The following FGD4 variants were observed in gnomAD, a reference collection of about 807,000 sequenced individuals.
The protein encoded by FGD4 is FYVE, RhoGEF and PH domain-containing protein 4.
In FGD4, 42 loss-of-function variants were observed where a neutral mutation model predicts 102.0. The observed-to-expected ratio is 0.41, with a 90% CI of 0.32 to 0.53. The LOEUF is 0.53. Ranked by LOEUF, FGD4 falls within the 20% of genes least tolerant of loss-of-function variation. FGD4 has a pLI of 0.21. For missense variants in FGD4, 902 were observed against 1,078.2 expected (o/e 0.84, Z 2.29); for synonymous variants, 380 against 375.7 (o/e 1.01, Z -0.13).
At chr12:32,595,477 T>C (rs902257208) in intron 4 of FGD4, among the ~76,000 whole-genome samples, 30 of 152,186 alleles carry the variant, frequency 2.0e-4, no homozygotes, top group African/African-American at 4.8e-4. Flanking sequence ...TGTCTTCCCA[T>C]TGGGCTCTGC....
intron 1 of FGD4, among the ~76,000 whole-genome samples, chr12:32,500,995 G>A (rs1021740796): frequency 1.3e-5 from 2 of 152,214 alleles, no homozygotes; most frequent in African/African-American, 4.8e-5. Context: ...AAATAACTGT[G>A]CCCTGTGGTA....
intron 1 of FGD4, among the ~76,000 whole-genome samples, chr12:32,558,495 C>T (rs1456750990): frequency 5.9e-5 from 9 of 152,004 alleles, no homozygotes; most frequent in Non-Finnish European, 1.3e-4. Context: ...AGGTCAGGCT[C>T]GAAGAATCAG....
intron 7 of FGD4, 95 bp downstream of exon 7, chr12:32,602,412 GA>G: frequency 6.9e-7 from 1 of 1,457,832 alleles, no homozygotes; most frequent in Non-Finnish European, 9.5e-7. Flanking sequence ...AGATCTGTCT[GA>G]GATACCTAGC....
intron 1 of FGD4, among the ~76,000 whole-genome samples, chr12:32,441,691 A>T (rs1942440323): frequency 6.6e-6 from 1 of 151,986 alleles, no homozygotes; most frequent in South Asian, 2.1e-4. Flanking sequence ...TTGTCCCCCT[A>T]GTCCACTGTC....
chr12:32,474,135 C>T (rs1943522052), intron 1 of FGD4, among the ~76,000 whole-genome samples: 2 of 151,886 alleles, frequency 1.3e-5, no homozygotes, highest in South Asian at 4.2e-4. Context: ...AATCAGAGCC[C>T]TGACACACTG....
chr12:32,483,293 A>ATC (rs1943812019), intron 1 of FGD4, among the ~76,000 whole-genome samples: 1 of 152,248 alleles, frequency 6.6e-6, no homozygotes, highest in Non-Finnish European at 1.5e-5. Flanking sequence ...AAGGCAGAGA[A>ATC]TCTGTGCAGA....
At chr12:32,562,419 A>C (rs1304203921) in intron 1 of FGD4, among the ~76,000 whole-genome samples, 1 of 151,912 alleles carries the variant, frequency 6.6e-6, no homozygotes. Context: ...AACTTATTTT[A>C]TTTTTCTTTT....
Position 32,620,784 on chromosome 12 carries a change from G to A in FGD4, c.1922+914G>A, listed in dbSNP as rs71457651. ...CTGATCTCGGCTCACTGCAAGCTCCGCCTCCCGGGTTCACGCCATTCTCCT... is the reference window on the plus strand; with the variant it reads ...CTGATCTCGGCTCACTGCAAGCTCCACCTCCCGGGTTCACGCCATTCTCCT... On this transcript the variant is annotated intron_variant, in intron 11 of 16. Transcript: ENST00000534526. Among the ~76,000 whole-genome samples the A allele has an allele frequency of 3.5e-5, 5 of 142,824 alleles. No homozygotes were observed. The East Asian group carries it at 8.5e-4, about 24-fold the overall frequency. 93.7% of individuals were successfully genotyped at this position (142,824 alleles called of 152,430 possible). A position where few individuals can be genotyped will look rare whatever the true frequency, so the allele number is the denominator to read the frequency against.
rs1173558822 is a variant in FGD4, at chr12:32,577,007, A to G, written c.503+558A>G. The stretch of plus-strand genomic sequence containing the variant: ...GTTTTGCAAAGAGATATTATTACCA[A>G]TGACAAAATGTATGCTAAATTTCAG... On this transcript the variant is annotated intron_variant, in intron 3 of 16. Transcript: ENST00000534526. Among the ~76,000 whole-genome samples, 5 of 152,168 alleles carry G rather than the reference A, an allele frequency of 3.3e-5. No individual in the cohort carries two copies. The South Asian group carries it at 1.0e-3, about 32-fold the overall frequency.
At chr12:32,629,386 T>C (rs1950362131) in intron 14 of FGD4, among the ~76,000 whole-genome samples, 1 of 152,184 alleles carries the variant, frequency 6.6e-6, no homozygotes, top group South Asian at 2.1e-4. Context: ...TTACCATTTA[T>C]GATGTACCAG....
intron 1 of FGD4, among the ~76,000 whole-genome samples, chr12:32,518,948 C>G (rs1441923264): frequency 1.3e-5 from 2 of 151,804 alleles, no homozygotes; most frequent in Non-Finnish European, 2.9e-5. Flanking sequence ...AACTCTGTCT[C>G]TACTAAAAAT....
At chr12:32,629,762 A>T (rs936338122) in intron 14 of FGD4, among the ~76,000 whole-genome samples, 26 of 152,022 alleles carry the variant, frequency 1.7e-4, no homozygotes, top group African/African-American at 5.8e-4. Flanking sequence ...TTCCTTCCAA[A>T]TCTGCCTGAT....
intron 2 of FGD4, among the ~76,000 whole-genome samples, chr12:32,569,815 G>T (rs1332568703): frequency 6.6e-6 from 1 of 152,094 alleles, no homozygotes; most frequent in African/African-American, 2.4e-5. Flanking sequence ...CTATATAGAG[G>T]TATAAGAATT....
At chr12:32,547,810 G>A (rs1943346632) in intron 1 of FGD4, among the ~76,000 whole-genome samples, 1 of 152,102 alleles carries the variant, frequency 6.6e-6, no homozygotes. Flanking sequence ...GGGTTCAAGC[G>A]ATTCTCCTGC....
chr12:32,562,739 C>T (rs1280936934), intron 1 of FGD4, among the ~76,000 whole-genome samples: 7 of 152,192 alleles, frequency 4.6e-5, no homozygotes, highest in Admixed American at 3.3e-4. Flanking sequence ...TAAAAGGTCA[C>T]CGATCAACAG....
chr12:32,611,760 G>C (rs987240028), intron 10 of FGD4, among the ~76,000 whole-genome samples: 1 of 152,216 alleles, frequency 6.6e-6, no homozygotes, highest in Non-Finnish European at 1.5e-5. Context: ...GTATTTTTCT[G>C]TATACTTGGT....
At chr12:32,602,422 G>C (rs1948486995) in intron 7 of FGD4, 105 bp downstream of exon 7, 2 of 1,349,552 alleles carry the variant, frequency 1.5e-6, no homozygotes, top group Non-Finnish European at 2.1e-6. Context: ...GAGATACCTA[G>C]CCAAAATTCA....
At chr12:32,528,252 TAACAG>T (rs1941456405) in intron 1 of FGD4, among the ~76,000 whole-genome samples, 1 of 152,178 alleles carries the variant, frequency 6.6e-6, no homozygotes. Flanking sequence ...AGTTTCTTCT[TAACAG>T]TACCGAGTTG....
At chr12:32,418,420 G>T (rs185010909) in intron 1 of FGD4, among the ~76,000 whole-genome samples, 11 of 152,190 alleles carry the variant, frequency 7.2e-5, no homozygotes, top group African/African-American at 2.6e-4. Flanking sequence ...TATTTGAGGG[G>T]ATGTGGGCCC....
Sources: gnomAD v4.1 joint callset for allele counts (sites outside exome capture counted in the v4.1 genomes callset) on GRCh38, gnomAD v4.1.1 for gene constraint, MANE v1.5 for transcripts, NCBI Gene and HGNC (gene_info 2026-07-23, HGNC 2026-07-21) for gene names.